The following LIMCH1 variants were observed in gnomAD, a reference collection of about 807,000 sequenced individuals.
LIMCH1 encodes LIM and calponin homology domains-containing protein 1.
In LIMCH1, 113 loss-of-function variants were observed where a neutral mutation model predicts 176.5. The observed-to-expected ratio is 0.64, with a 90% CI of 0.55 to 0.75. The LOEUF (loss-of-function observed/expected upper bound fraction) is 0.75, where lower values mean the gene tolerates loss of function less well. Among genes scored for constraint, LIMCH1 ranks in the 30% least tolerant of loss-of-function variants. LIMCH1 has a pLI of 0.00. For synonymous variants in LIMCH1, 619 were observed against 645.9 expected, an observed-to-expected ratio of 0.96 and a Z score of 0.63; for missense variants, 1,674 against 1,814.9, an observed-to-expected ratio of 0.92 and a Z score of 1.41.
At chr4:41,684,991 T>G (rs1015304859) in intron 27 of LIMCH1, among the ~76,000 whole-genome samples, 8 of 152,106 alleles carry the variant, frequency 5.3e-5, no homozygotes, top group Non-Finnish European at 1.0e-4. Flanking sequence ...AAAATTCAAA[T>G]GTATTCCTCG....
At chr4:41,416,884 T>A (rs1372873331) in intron 1 of LIMCH1, among the ~76,000 whole-genome samples, 1 of 152,048 alleles carries the variant, frequency 6.6e-6, no homozygotes, top group Non-Finnish European at 1.5e-5. Flanking sequence ...CAGAAAGAAA[T>A]AGGGACTTAC....
intron 1 of LIMCH1, among the ~76,000 whole-genome samples, chr4:41,448,067 A>C (rs1010944649): frequency 6.6e-6 from 1 of 152,220 alleles, no homozygotes; most frequent in African/African-American, 2.4e-5. Context: ...CTGGGATTAT[A>C]GGAGTGAGCC....
At chr4:41,506,906 C>T (rs186096164) in intron 2 of LIMCH1, among the ~76,000 whole-genome samples, 4 of 152,262 alleles carry the variant, frequency 2.6e-5, no homozygotes. Flanking sequence ...GTTAAGGGCT[C>T]AGTCCCACAA....
rs141172125 is a variant in LIMCH1 at position 41,501,154 on chromosome 4, A to T, written c.167+6548A>T. Among the ~76,000 whole-genome samples, 552 of 152,340 alleles carry T rather than the reference A, an allele frequency of 3.6e-3. 2 individuals are homozygous for T. The highest frequency in any genetic ancestry group is 0.012 in the African/African-American group (516 of 41,578). On this transcript the variant is annotated intron_variant, in intron 2 of 26. Coordinates refer to the LIMCH1 transcript ENST00000313860. ...TGTGATTTTCTTTAACCCCTGAGAAAAGTACAGACCACACATGAGTTAGTT... is the reference window on the plus strand; with the variant it reads ...TGTGATTTTCTTTAACCCCTGAGAATAGTACAGACCACACATGAGTTAGTT...
At chr4:41,573,518 C>G (rs1283208749) in intron 1 of LIMCH1, among the ~76,000 whole-genome samples, 7 of 152,144 alleles carry the variant, frequency 4.6e-5, no homozygotes, top group Non-Finnish European at 7.3e-5. Context: ...GGACCTTGAT[C>G]ATGAGGACTT....
rs576117708 is a variant in LIMCH1 at position 41,584,860 on chromosome 4, G to A, written c.-240-14060G>A. On this transcript the variant is annotated intron_variant, in intron 1 of 31. Coordinates refer to ENST00000503057, the MANE Select transcript of LIMCH1 (RefSeq NM_001330672.2). ...TAGACTAGGTGGCTTATAAACAACA[G>A]GACTTTATTTCTCACAGTTCTGGAG... Among the ~76,000 whole-genome samples, 4 of 152,288 alleles carry A rather than the reference G, an allele frequency of 2.6e-5. No homozygotes were observed. In the South Asian group the frequency reaches 6.2e-4, roughly 24 times the overall value.
intron 7 of LIMCH1, among the ~76,000 whole-genome samples, chr4:41,622,462 T>C (rs28715973): frequency 0.02 from 2,994 of 152,246 alleles, 93 homozygotes; most frequent in African/African-American, 0.064. Flanking sequence ...GTCTTTAAGC[T>C]AGTGTTTACC....
At chr4:41,376,823 G>T (rs1030473399) in intron 1 of LIMCH1, among the ~76,000 whole-genome samples, 5 of 152,114 alleles carry the variant, frequency 3.3e-5, no homozygotes, top group Non-Finnish European at 5.9e-5. Flanking sequence ...TTAAGAGACT[G>T]CTAATAGCTA....
chr4:41,692,546 C>T (rs1726938845), intron 31 of LIMCH1, 162 bp downstream of exon 31: 7 of 561,044 alleles, frequency 1.2e-5, no homozygotes, highest in Middle Eastern at 4.3e-4. Context: ...ATTTACCACT[C>T]GTTTCTTCCT....
At chr4:41,581,462 C>T (rs1364583121) in intron 1 of LIMCH1, among the ~76,000 whole-genome samples, 1 of 152,138 alleles carries the variant, frequency 6.6e-6, no homozygotes, top group Non-Finnish European at 1.5e-5. Context: ...CCCACAGCCC[C>T]TGGCAACCCC....
In LIMCH1 at chr4:41,367,684, C is replaced by CAAAAAAAAA. The variant is rs35832745; in HGVS notation, c.96+6762_96+6770dup. Reference sequence around the variant, plus strand: ...TGAAACCCTGTCTCTACTAAAAATCCAAAAAAAAAAAAAAAAAAAAAAGGA... The same window carrying CAAAAAAAAA: ...TGAAACCCTGTCTCTACTAAAAATCCAAAAAAAAAAAAAAAAAAAAAAAAAAAAAAAGGA... On this transcript the variant is annotated intron_variant, in intron 1 of 26. Coordinates refer to the LIMCH1 transcript ENST00000313860. 3.9e-3 allele frequency among the ~76,000 whole-genome samples: 379 copies of CAAAAAAAAA among 96,094 alleles called. 3 individuals carry two copies. The highest frequency in any genetic ancestry group is 4.2e-3 in the Non-Finnish European group (217 of 51,198). 63.0% of individuals were successfully genotyped at this position (96,094 alleles called of 152,430 possible). A position where few individuals can be genotyped will look rare whatever the true frequency, so the allele number is the denominator to read the frequency against.
intron 1 of LIMCH1, among the ~76,000 whole-genome samples, chr4:41,372,006 T>A (rs190522759): frequency 5.3e-4 from 80 of 152,304 alleles, no homozygotes; most frequent in Non-Finnish European, 1.6e-4. Context: ...TAGCAGTAGT[T>A]GAAAACAAAA....
chr4:41,386,810 C>T lies in LIMCH1; in HGVS notation c.96+25874C>T, dbSNP rs541969663. Among the ~76,000 whole-genome samples the T allele has an allele frequency of 6.6e-5, 10 of 152,278 alleles. No individual in the cohort carries two copies. The South Asian group carries it at 2.1e-3, about 32-fold the overall frequency. On this transcript the variant is annotated intron_variant, in intron 1 of 26. Transcript: ENST00000313860. ...CTAAGGGACAGCCTAGGTAACTTAT[C>T]AGTTCAATAGTGAGGTTTCTGATGT...
At chr4:41,379,347 T>A (rs1431422220) in intron 1 of LIMCH1, among the ~76,000 whole-genome samples, 1 of 152,220 alleles carries the variant, frequency 6.6e-6, no homozygotes, top group Admixed American at 6.5e-5. Flanking sequence ...GCTGCTTGTG[T>A]GTCCTTATAA....
At chr4:41,692,941 T>C (rs931048283) in intron 31 of LIMCH1, 2 of 152,544 alleles carry the variant, frequency 1.3e-5, no homozygotes, top group African/African-American at 4.8e-5. Context: ...TTAGTAACAA[T>C]ATGCGCTTAA....
At chr4:41,506,934 A>G (rs924713393) in intron 2 of LIMCH1, among the ~76,000 whole-genome samples, 2 of 152,086 alleles carry the variant, frequency 1.3e-5, no homozygotes, top group African/African-American at 4.8e-5. Context: ...CCCACCCCTC[A>G]TTTAGATGCC....
intron 24 of LIMCH1, 27 bp downstream of exon 24, chr4:41,680,125 A>T (rs1431429555): frequency 6.8e-7 from 1 of 1,477,726 alleles, no homozygotes; most frequent in Admixed American, 1.9e-5. Context: ...AAGGAATTTG[A>T]CCTTGTCATC....
intron 2 of LIMCH1, among the ~76,000 whole-genome samples, chr4:41,602,123 CCAAAAAAAAAAA>C (rs2090025748): frequency 7.0e-5 from 4 of 57,526 alleles, no homozygotes; most frequent in African/African-American, 3.9e-4. Flanking sequence ...CTTGAGTAGA[CCAAAAAAAAAAA>C]AAAAAAAAAA....
intron 1 of LIMCH1, among the ~76,000 whole-genome samples, chr4:41,393,065 T>G (rs1204240134): frequency 2.0e-5 from 3 of 152,266 alleles, no homozygotes; most frequent in Non-Finnish European, 4.4e-5. Context: ...TATCTTTTAT[T>G]TTTTGGTCGA....
Sources: allele counts gnomAD v4.1 joint callset (sites outside exome capture counted in the v4.1 genomes callset), GRCh38; gene constraint gnomAD v4.1.1; transcripts MANE v1.5; gene names NCBI Gene and HGNC (gene_info 2026-07-23, HGNC 2026-07-21).